PACSIN2: variants seen among roughly 807,000 people sequenced by gnomAD.
PACSIN2 encodes the protein protein kinase C and casein kinase substrate in neurons 2, also known as protein kinase C and casein kinase substrate in neurons protein 2.
A neutral mutation model predicts 63.8 loss-of-function variants in PACSIN2; 25 were observed. The observed-to-expected ratio is 0.39, with a 90% CI of 0.29 to 0.55. The LOEUF (loss-of-function observed/expected upper bound fraction) is 0.55, where lower values mean the gene tolerates loss of function less well. Ranked by LOEUF, PACSIN2 falls within the 20% of genes least tolerant of loss-of-function variation. PACSIN2 has a pLI of 0.62. For missense variants in PACSIN2, 518 were observed against 646.9 expected (o/e 0.80, Z 2.16); for synonymous variants, 255 against 256.2 (o/e 1.00, Z 0.05).
At chr22:42,893,833 C>T (rs891231191) in intron 2 of PACSIN2, among the ~76,000 whole-genome samples, 4 of 152,098 alleles carry the variant, frequency 2.6e-5, no homozygotes, top group African/African-American at 9.7e-5. Context: ...GGGGGCTTCT[C>T]AATGTTCTTT....
intron 1 of PACSIN2, among the ~76,000 whole-genome samples, chr22:42,989,948 C>T (rs1489267241): frequency 7.5e-6 from 1 of 132,986 alleles, no homozygotes; most frequent in Non-Finnish European, 1.6e-5. Context: ...TAAGCCAGTT[C>T]AAGCATTTAA....
intron 2 of PACSIN2, among the ~76,000 whole-genome samples, chr22:42,903,867 TG>T (rs1020721386): frequency 2.6e-5 from 4 of 152,158 alleles, no homozygotes; most frequent in African/African-American, 9.7e-5. Flanking sequence ...CAACACTGAC[TG>T]GCCGTATCCT....
chr22:42,946,031 A>G (rs1933404529), intron 1 of PACSIN2, among the ~76,000 whole-genome samples: 1 of 152,202 alleles, frequency 6.6e-6, no homozygotes. Flanking sequence ...TGTGTCTACC[A>G]ACACAAGCAC....
intron 1 of PACSIN2, among the ~76,000 whole-genome samples, chr22:42,948,009 C>T (rs1933508830): frequency 6.6e-6 from 1 of 152,202 alleles, no homozygotes; most frequent in Admixed American, 6.5e-5. Flanking sequence ...GGAAACAGTT[C>T]TGCACAACAT....
At chr22:42,898,740 C>T (rs1429210517) in intron 2 of PACSIN2, among the ~76,000 whole-genome samples, 1 of 152,140 alleles carries the variant, frequency 6.6e-6, no homozygotes, top group Non-Finnish European at 1.5e-5. Context: ...CTCCAGGCTG[C>T]ACTCACTCCC....
At chr22:42,901,678 C>T (rs918929736) in intron 2 of PACSIN2, among the ~76,000 whole-genome samples, 8 of 152,020 alleles carry the variant, frequency 5.3e-5, no homozygotes, top group South Asian at 2.1e-4. Context: ...CCACGGCGAT[C>T]GCCTGACAAG....
At chr22:42,930,637 T>C (rs1373542659) in intron 1 of PACSIN2, among the ~76,000 whole-genome samples, 1 of 152,204 alleles carries the variant, frequency 6.6e-6, no homozygotes, top group Non-Finnish European at 1.5e-5. Flanking sequence ...AAAGGCACGC[T>C]CATAAAAAGC....
At chr22:42,923,862 T>A (rs568199318) in intron 1 of PACSIN2, among the ~76,000 whole-genome samples, 2 of 152,124 alleles carry the variant, frequency 1.3e-5, no homozygotes, top group East Asian at 3.9e-4. Flanking sequence ...GATGGTGAGA[T>A]CCCATCTCTA....
intron 5 of PACSIN2, 30 bp downstream of exon 5, chr22:42,888,613 T>G (rs1368333925): frequency 6.2e-7 from 1 of 1,610,240 alleles, no homozygotes; most frequent in Admixed American, 1.7e-5. Context: ...ACGGTGACAC[T>G]CGACGTGTAA....
intron 1 of PACSIN2, among the ~76,000 whole-genome samples, chr22:42,981,643 G>A (rs1189433219): frequency 7.2e-5 from 9 of 125,332 alleles, no homozygotes; most frequent in Admixed American, 6.6e-4. Context: ...GTCCGGGAGG[G>A]AGGTGGGGGG....
At chr22:42,891,952 C>G (rs929433630) in intron 3 of PACSIN2, among the ~76,000 whole-genome samples, 10 of 152,164 alleles carry the variant, frequency 6.6e-5, no homozygotes, top group Admixed American at 3.9e-4. Flanking sequence ...TTCATTCACT[C>G]CCAGAAAGAG....
chr22:42,870,117 A>C lies in PACSIN2; in HGVS notation c.*1240T>G, dbSNP rs1044932048. On this transcript the variant is annotated 3_prime_UTR_variant, in exon 11 of 11. Coordinates refer to ENST00000263246, the MANE Select transcript of PACSIN2 (RefSeq NM_001184970.3). Reference sequence around the variant, plus strand: ...CGGGCGACTCCGGGCAGCCCGAGACACTCGTGCTGCGGGTAAGACCCAGCT... The same window carrying C: ...CGGGCGACTCCGGGCAGCCCGAGACCCTCGTGCTGCGGGTAAGACCCAGCT... 2.6e-5 allele frequency: 4 copies of C among 151,708 alleles called. No homozygotes were observed. The highest frequency in any genetic ancestry group is 9.7e-5 in the African/African-American group (4 of 41,308). 9.4% of individuals were successfully genotyped at this position (151,708 alleles called of 1,614,324 possible). A position where few individuals can be genotyped will look rare whatever the true frequency, so the allele number is the denominator to read the frequency against.
chr22:43,001,104 G>A (rs1447788748), intron 1 of PACSIN2, among the ~76,000 whole-genome samples: 2 of 152,210 alleles, frequency 1.3e-5, no homozygotes, highest in Admixed American at 6.5e-5. Flanking sequence ...ATCCAGTCTC[G>A]AAATAAATCA....
intron 1 of PACSIN2, among the ~76,000 whole-genome samples, chr22:42,997,329 C>T (rs927268368): frequency 2.6e-5 from 4 of 152,182 alleles, no homozygotes; most frequent in African/African-American, 9.6e-5. Flanking sequence ...GAGGCAGAGG[C>T]GGGCAGATCA....
chr22:42,923,006 G>T (rs905487156), intron 1 of PACSIN2, among the ~76,000 whole-genome samples: 4 of 152,150 alleles, frequency 2.6e-5, no homozygotes, highest in Admixed American at 2.6e-4. Context: ...GGTCTTTCCG[G>T]CAGAGGCAGA....
intron 1 of PACSIN2, among the ~76,000 whole-genome samples, chr22:42,960,666 CG>C (rs1435884932): frequency 1.3e-5 from 2 of 152,098 alleles, no homozygotes; most frequent in African/African-American, 4.8e-5. Context: ...CAAGAAAAGG[CG>C]TAACTAATCT....
chr22:42,999,082 CA>C (rs1247787214), intron 1 of PACSIN2, among the ~76,000 whole-genome samples: 2 of 152,168 alleles, frequency 1.3e-5, no homozygotes, highest in African/African-American at 4.8e-5. Flanking sequence ...ATGCTGAACC[CA>C]AAAAGGCTGT....
At chr22:43,013,844 AC>A (rs1304944692) in intron 1 of PACSIN2, among the ~76,000 whole-genome samples, 2 of 152,186 alleles carry the variant, frequency 1.3e-5, no homozygotes, top group East Asian at 3.9e-4. Context: ...TGAGCAGCCT[AC>A]CCCCTTAACC....
intron 1 of PACSIN2, among the ~76,000 whole-genome samples, chr22:42,992,510 G>A (rs1321188343): frequency 2.6e-5 from 4 of 152,194 alleles, no homozygotes. Flanking sequence ...CACTTTAGAA[G>A]ACTGAGGCAG....
Sources: gnomAD v4.1 joint callset for allele counts (sites outside exome capture counted in the v4.1 genomes callset) on GRCh38, gnomAD v4.1.1 for gene constraint, MANE v1.5 for transcripts, NCBI Gene and HGNC (gene_info 2026-07-23, HGNC 2026-07-21) for gene names.